ZNF385D: variants seen among roughly 807,000 people sequenced by gnomAD.
The protein encoded by ZNF385D is zinc finger protein 385D.
ZNF385D carries 15 observed loss-of-function variants against 35.8 expected under a neutral mutation model. The observed-to-expected ratio is 0.42, with a 90% CI of 0.28 to 0.64. ZNF385D has a LOEUF of 0.64. Among genes scored for constraint, ZNF385D ranks in the 30% least tolerant of loss-of-function variants. The probability of loss-of-function intolerance (pLI) is 0.23; values close to 1 mark genes in which losing one functional copy is unlikely to be tolerated. For synonymous variants in ZNF385D, 212 were observed against 186.8 expected, an observed-to-expected ratio of 1.13 and a Z score of -1.10; for missense variants, 474 against 494.6, an observed-to-expected ratio of 0.96 and a Z score of 0.39.
At chr3:22,067,666 C>T (rs1387817350) in intron 3 of ZNF385D, among the ~76,000 whole-genome samples, 1 of 152,136 alleles carries the variant, frequency 6.6e-6, no homozygotes, top group Non-Finnish European at 1.5e-5. Flanking sequence ...GAAAGGATAT[C>T]TTTCTCCCAG....
chr3:22,241,108 A>G (rs752342897), intron 2 of ZNF385D, among the ~76,000 whole-genome samples: 2 of 151,234 alleles, frequency 1.3e-5, no homozygotes, highest in Admixed American at 6.6e-5. Context: ...TGTTTGATCG[A>G]TAACTAAATC....
intron 3 of ZNF385D, among the ~76,000 whole-genome samples, chr3:22,047,237 CT>C (rs747390373): frequency 3.3e-5 from 5 of 151,380 alleles, no homozygotes; most frequent in Admixed American, 6.6e-5. Context: ...AGCTCACATA[CT>C]TTTTTTTTGT....
intron 3 of ZNF385D, among the ~76,000 whole-genome samples, chr3:21,963,593 T>C (rs1332360466): frequency 6.6e-6 from 1 of 152,192 alleles, no homozygotes; most frequent in African/African-American, 2.4e-5. Context: ...AACAAGTTGT[T>C]TCATACTTTC....
At chr3:21,711,038 A>ATTTTTTTTTTTTTTTTTTTTTT (rs562190313) in intron 1 of ZNF385D, among the ~76,000 whole-genome samples, 1 of 55,826 alleles carries the variant, frequency 1.8e-5, no homozygotes, top group African/African-American at 7.3e-5. Flanking sequence ...TCCCTCTAAA[A>ATTTTTTTTTTTTTTTTTTTTTT]GTTTTTTTTT....
At chr3:21,541,994 T>C (rs1336922774) in intron 3 of ZNF385D, among the ~76,000 whole-genome samples, 2 of 152,210 alleles carry the variant, frequency 1.3e-5, no homozygotes, top group African/African-American at 4.8e-5. Flanking sequence ...TCATCAGCGC[T>C]GGTGCACTCT....
chr3:21,811,214 G>C (rs2072906604), intron 3 of ZNF385D, among the ~76,000 whole-genome samples: 1 of 151,962 alleles, frequency 6.6e-6, no homozygotes, highest in East Asian at 1.9e-4. Flanking sequence ...TATTCTATTA[G>C]AAATTCTATA....
intron 4 of ZNF385D, among the ~76,000 whole-genome samples, chr3:21,467,877 C>A (rs1410383943): frequency 6.6e-6 from 1 of 152,032 alleles, no homozygotes; most frequent in African/African-American, 2.4e-5. Flanking sequence ...AGGGTATTGA[C>A]CACAATAAGA....
At chr3:21,740,277 C>T (rs1302934354) in intron 1 of ZNF385D, among the ~76,000 whole-genome samples, 1 of 152,184 alleles carries the variant, frequency 6.6e-6, no homozygotes, top group Non-Finnish European at 1.5e-5. Flanking sequence ...GCCTCTACAG[C>T]ATAACTACTC....
chr3:22,127,373 T>A (rs974703368), intron 3 of ZNF385D, among the ~76,000 whole-genome samples: 2 of 115,978 alleles, frequency 1.7e-5, no homozygotes, highest in African/African-American at 6.4e-5. Flanking sequence ...AGAGTCTCAC[T>A]CTGTCACCCA....
intron 3 of ZNF385D, among the ~76,000 whole-genome samples, chr3:22,063,293 T>G (rs142900594): frequency 0.017 from 2,613 of 152,302 alleles, 79 homozygotes; most frequent in African/African-American, 0.06. Context: ...CTGATTAATT[T>G]TGGTTTACTT....
chr3:22,141,211 A>G (rs1044421240), intron 3 of ZNF385D, among the ~76,000 whole-genome samples: 1 of 152,218 alleles, frequency 6.6e-6, no homozygotes, highest in Non-Finnish European at 1.5e-5. Context: ...CCGAATGTAC[A>G]ACAATAAAGA....
chr3:21,987,983 C>G (rs112038481), intron 3 of ZNF385D, among the ~76,000 whole-genome samples: 1 of 146,236 alleles, frequency 6.8e-6, no homozygotes, highest in African/African-American at 2.5e-5. Context: ...CTTCTGCATT[C>G]TTCACGTAGT....
intron 2 of ZNF385D, among the ~76,000 whole-genome samples, chr3:22,215,816 C>T (rs1697841114): frequency 6.6e-6 from 1 of 151,954 alleles, no homozygotes; most frequent in Non-Finnish European, 1.5e-5. Flanking sequence ...GCTCAAGGGG[C>T]ATCACGGAAC....
rs566689437 is a variant in ZNF385D at position 21,979,076 on chromosome 3, G to A, written c.325+189741C>T. On this transcript the variant is annotated intron_variant, in intron 3 of 5. Transcript: ENST00000494108. ...ACTTAGCACAATAGAAAATAGTTGTGACTATCTCCAGTACATGCCAATTTT... is the reference window on the plus strand; with the variant it reads ...ACTTAGCACAATAGAAAATAGTTGTAACTATCTCCAGTACATGCCAATTTT... Among the ~76,000 whole-genome samples the A allele has an allele frequency of 2.0e-5, 3 of 152,190 alleles. No homozygotes were observed. In the East Asian group the frequency reaches 5.8e-4, roughly 29 times the overall value.
chr3:22,340,433 G>A (rs1695370392), intron 2 of ZNF385D, among the ~76,000 whole-genome samples: 1 of 152,138 alleles, frequency 6.6e-6, no homozygotes, highest in African/African-American at 2.4e-5. Context: ...ATCACCTGAG[G>A]TCAGGAGTTT....
At chr3:22,062,175 C>T (rs1699723012) in intron 3 of ZNF385D, among the ~76,000 whole-genome samples, 3 of 152,148 alleles carry the variant, frequency 2.0e-5, no homozygotes, top group East Asian at 1.9e-4. Context: ...ATAGCTGGGA[C>T]TACCCGGGAC....
chr3:21,444,535 C>A (rs9859442), intron 4 of ZNF385D, among the ~76,000 whole-genome samples: 1 of 151,262 alleles, frequency 6.6e-6, no homozygotes, highest in African/African-American at 2.4e-5. Flanking sequence ...CAGGCACACA[C>A]CACCACGCCC....
chr3:21,663,890 A>AAAATATATATATATATATATATAT (rs2066310363), intron 2 of ZNF385D, among the ~76,000 whole-genome samples: 2 of 64,418 alleles, frequency 3.1e-5, no homozygotes, highest in Non-Finnish European at 6.3e-5. Flanking sequence ...TTGTGGGCCG[A>AAAATATATATATATATATATATAT]ATATATATAT....
In ZNF385D at chr3:22,230,781, A is replaced by G. The variant is rs74559727; in HGVS notation, c.107-61746T>C. Among the ~76,000 whole-genome samples the G allele has an allele frequency of 7.6e-3, 1,163 of 152,280 alleles. 16 individuals carry two copies. Among genetic ancestry groups the G allele is most frequent in the African/African-American group, 0.026 (1,085 of 41,572 alleles). ...TATAGAGGAGTTTGTTAAGCTGACCATGTTCTTTAATTTAAATTGTCATGA... is the reference window on the plus strand; with the variant it reads ...TATAGAGGAGTTTGTTAAGCTGACCGTGTTCTTTAATTTAAATTGTCATGA... On this transcript the variant is annotated intron_variant, in intron 2 of 5. Coordinates refer to the ZNF385D transcript ENST00000494108.
Sources: gnomAD v4.1 joint callset for allele counts (sites outside exome capture counted in the v4.1 genomes callset) on GRCh38, gnomAD v4.1.1 for gene constraint, MANE v1.5 for transcripts, NCBI Gene and HGNC (gene_info 2026-07-23, HGNC 2026-07-21) for gene names.